Variants in ATP8A2 observed in about 807,000 individuals in gnomAD.
ATP8A2 encodes the protein phospholipid-transporting ATPase IB.
A neutral mutation model predicts 165.6 loss-of-function variants in ATP8A2; 100 were observed. That is an observed-to-expected ratio of 0.60 (90% confidence interval 0.51 to 0.71). ATP8A2 has a LOEUF of 0.71. ATP8A2 is among the 30% of genes least tolerant of loss of function. The pLI, the probability that ATP8A2 is intolerant of heterozygous loss-of-function variation, is 0.00. For missense variants in ATP8A2, 1,227 were observed against 1,479.5 expected (o/e 0.83, Z 2.80); for synonymous variants, 543 against 548.8 (o/e 0.99, Z 0.15).
rs565161330 is a variant in ATP8A2 at position 25,542,428 on chromosome 13, T to G, written c.779+382T>G. Reference sequence around the variant, plus strand: ...TAACCACCTTCTAAGGAGCGTTCATTTGTTTTTAGAAAGTTGAGTGAAATG... The same window carrying G: ...TAACCACCTTCTAAGGAGCGTTCATGTGTTTTTAGAAAGTTGAGTGAAATG... On this transcript the variant is annotated intron_variant, in intron 9 of 36. Coordinates refer to ENST00000381655, the MANE Select transcript of ATP8A2 (RefSeq NM_016529.6). 2.0e-5 allele frequency among the ~76,000 whole-genome samples: 3 copies of G among 152,238 alleles called. No homozygotes were observed. The East Asian group carries it at 5.8e-4, about 29-fold the overall frequency.
chr13:25,808,681 C>T (rs1414991774), intron 27 of ATP8A2, among the ~76,000 whole-genome samples: 2 of 152,046 alleles, frequency 1.3e-5, no homozygotes, highest in Middle Eastern at 3.2e-3. Flanking sequence ...CTCAACCTCC[C>T]ACCTCAGCCT....
intron 27 of ATP8A2, among the ~76,000 whole-genome samples, chr13:25,819,653 TTTG>T (rs1310097304): frequency 2.1e-5 from 3 of 145,652 alleles, no homozygotes; most frequent in African/African-American, 7.5e-5. Flanking sequence ...TTCAGGGTTT[TTTG>T]TTTTTTTTTT....
chr13:25,411,735 A>G (rs1924783), intron 1 of ATP8A2, among the ~76,000 whole-genome samples: 53,271 of 151,954 alleles, frequency 0.35, 10,016 homozygotes, highest in East Asian at 0.62. Context: ...ACATACATGC[A>G]TTAAAAATTG....
At chr13:25,990,497 G>T (rs1440123809) in intron 35 of ATP8A2, among the ~76,000 whole-genome samples, 1 of 152,116 alleles carries the variant, frequency 6.6e-6, no homozygotes, top group Non-Finnish European at 1.5e-5. Flanking sequence ...CAGGCCAAGG[G>T]AAAGCATATG....
At chr13:25,441,376 C>T (rs748715455) in intron 1 of ATP8A2, among the ~76,000 whole-genome samples, 2 of 152,046 alleles carry the variant, frequency 1.3e-5, no homozygotes, top group Non-Finnish European at 1.5e-5. Context: ...TGCTTTTGTC[C>T]CAACCTTACC....
chr13:25,812,109 C>T (rs1593384678), intron 27 of ATP8A2, among the ~76,000 whole-genome samples: 1 of 151,810 alleles, frequency 6.6e-6, no homozygotes, highest in Non-Finnish European at 1.5e-5. Context: ...AAATAATGTT[C>T]ATTGTAGGGC....
intron 1 of ATP8A2, among the ~76,000 whole-genome samples, chr13:25,387,114 G>A (rs757898861): frequency 7.9e-5 from 12 of 152,110 alleles, no homozygotes; most frequent in Non-Finnish European, 1.6e-4. Context: ...GGCTCATTCC[G>A]TGCTTGGGAC....
At chr13:25,434,289 C>T (rs1566129807) in intron 1 of ATP8A2, among the ~76,000 whole-genome samples, 1 of 152,122 alleles carries the variant, frequency 6.6e-6, no homozygotes, top group South Asian at 2.1e-4. Context: ...GGGCTCCCTG[C>T]CTAAGGTGTG....
At chr13:25,512,357 G>A (rs375892756) in intron 2 of ATP8A2, among the ~76,000 whole-genome samples, 8,773 of 151,308 alleles carry the variant, frequency 0.058, 309 homozygotes, top group South Asian at 0.13. Context: ...CCACAAAACC[G>A]CCATTGTCAT....
chr13:25,593,421 T>G (rs2040147287), intron 24 of ATP8A2, among the ~76,000 whole-genome samples: 1 of 152,202 alleles, frequency 6.6e-6, no homozygotes, highest in Admixed American at 6.5e-5. Context: ...GTTTTGAGTT[T>G]GTCATATGCT....
At chr13:25,418,906 T>C (rs1215880556) in intron 1 of ATP8A2, among the ~76,000 whole-genome samples, 1 of 152,172 alleles carries the variant, frequency 6.6e-6, no homozygotes, top group Non-Finnish European at 1.5e-5. Context: ...GCTCTGAGAT[T>C]TCTCATCTGG....
At chr13:25,400,136 T>A (rs1468320275) in intron 1 of ATP8A2, among the ~76,000 whole-genome samples, 1 of 152,028 alleles carries the variant, frequency 6.6e-6, no homozygotes, top group Non-Finnish European at 1.5e-5. Flanking sequence ...TTGCCCAGGA[T>A]AGTGTGTGAA....
chr13:25,994,445 C>T (rs1230063492), intron 35 of ATP8A2, among the ~76,000 whole-genome samples: 1 of 152,090 alleles, frequency 6.6e-6, no homozygotes. Context: ...TCATCCTTGC[C>T]TTGTTCCCAA....
intron 1 of ATP8A2, among the ~76,000 whole-genome samples, chr13:25,400,953 CAT>C (rs1403904039): frequency 1.1e-3 from 171 of 152,296 alleles, no homozygotes; most frequent in African/African-American, 4.0e-3. Context: ...CCTGAATACA[CAT>C]TGGTTCTGTG....
Position 25,975,421 on chromosome 13 carries a change from C to CAA in ATP8A2, c.3377+6752_3377+6753dup, listed in dbSNP as rs35831111. The stretch of plus-strand genomic sequence containing the variant: ...TGAAATCCCGTCTCTACTAAAAATA[C>CAA]AAAAAAAAAAATTAGCCGGGTGTGG... On this transcript the variant is annotated intron_variant, in intron 35 of 36. Transcript: ENST00000381655. Among the ~76,000 whole-genome samples, 94 of 147,946 alleles carry CAA rather than the reference C, an allele frequency of 6.4e-4. No homozygotes were observed. In the South Asian group the frequency reaches 8.4e-3, roughly 13 times the overall value.
At chr13:25,841,233 A>C (rs992929039) in intron 30 of ATP8A2, among the ~76,000 whole-genome samples, 2 of 152,270 alleles carry the variant, frequency 1.3e-5, no homozygotes, top group African/African-American at 2.4e-5. Context: ...GACTCCCAGC[A>C]GTTGCTAACT....
At chr13:25,567,044 T>C (rs2039334330) in intron 16 of ATP8A2, 2 of 260,630 alleles carry the variant, frequency 7.7e-6, no homozygotes, top group African/African-American at 4.5e-5. Context: ...AGAAACCCAG[T>C]GGCCTGGGGC....
intron 1 of ATP8A2, among the ~76,000 whole-genome samples, chr13:25,422,978 C>T (rs959723658): frequency 6.6e-6 from 1 of 151,892 alleles, no homozygotes; most frequent in African/African-American, 2.4e-5. Flanking sequence ...AATGACAGCC[C>T]TCTCTTCATG....
chr13:25,950,491 C>T (rs1208973142), intron 33 of ATP8A2, among the ~76,000 whole-genome samples: 1 of 152,224 alleles, frequency 6.6e-6, no homozygotes, highest in Non-Finnish European at 1.5e-5. Context: ...AGTAACAGCA[C>T]TCCCCCTCCT....
Sources: allele counts gnomAD v4.1 joint callset (sites outside exome capture counted in the v4.1 genomes callset), GRCh38; gene constraint gnomAD v4.1.1; transcripts MANE v1.5; gene names NCBI Gene and HGNC (gene_info 2026-07-23, HGNC 2026-07-21).